CEP63: variants seen among roughly 807,000 people sequenced by gnomAD.
CEP63 encodes the protein centrosomal protein 63, also known as centrosomal protein of 63 kDa.
A neutral mutation model predicts 89.1 loss-of-function variants in CEP63; 84 were observed. The ratio of observed to expected loss-of-function variants is 0.94; its 90% CI spans 0.79 to 1.13. CEP63 has a LOEUF of 1.13. CEP63 is among the 50% of genes most tolerant of loss of function. The probability of loss-of-function intolerance (pLI) is 0.00; values close to 1 mark genes in which losing one functional copy is unlikely to be tolerated. For missense variants in CEP63, 838 were observed against 813.3 expected, an observed-to-expected ratio of 1.03 and a Z score of -0.37; for synonymous variants, 267 against 272.5, an observed-to-expected ratio of 0.98 and a Z score of 0.20.
chr3:134,492,070 C>CTTTTTTTTTTT (rs74269453), intron 1 of CEP63, among the ~76,000 whole-genome samples: 21 of 103,672 alleles, frequency 2.0e-4, no homozygotes, highest in Non-Finnish European at 2.2e-4. Context: ...TATTTGTATT[C>CTTTTTTTTTTT]TTTTTTTTTT....
intron 2 of CEP63, among the ~76,000 whole-genome samples, chr3:134,504,951 G>A (rs956659408): frequency 6.6e-6 from 1 of 152,014 alleles, no homozygotes; most frequent in Non-Finnish European, 1.5e-5. Flanking sequence ...TCAGTTTCAG[G>A]ATTTCTGTTT....
At chr3:134,779,197 A>G in the CEP63 span, among the ~76,000 whole-genome samples, 1 of 152,230 alleles carries the variant, frequency 6.6e-6, no homozygotes, top group Non-Finnish European at 1.5e-5. Context: ...GTGTACATAT[A>G]TATGAATACA....
intron 10 of CEP63, among the ~76,000 whole-genome samples, chr3:134,583,088 C>T (rs1958400170): frequency 6.6e-6 from 1 of 152,104 alleles, no homozygotes; most frequent in African/African-American, 2.4e-5. Flanking sequence ...AGCCCTTTGT[C>T]AGATGAGTAG....
downstream of CEP63, among the ~76,000 whole-genome samples, chr3:134,588,197 G>A (rs1476394770): frequency 6.6e-6 from 1 of 152,152 alleles, no homozygotes; most frequent in Non-Finnish European, 1.5e-5. Context: ...GGAGGCTGAG[G>A]CAGGAGAATC....
At chr3:134,773,566 A>T in the CEP63 span, among the ~76,000 whole-genome samples, 5 of 152,198 alleles carry the variant, frequency 3.3e-5, no homozygotes, top group Non-Finnish European at 7.3e-5. Flanking sequence ...CATGAACATC[A>T]TTCTTAAATC....
the CEP63 span, among the ~76,000 whole-genome samples, chr3:134,741,396 G>A: frequency 1.3e-5 from 2 of 152,186 alleles, no homozygotes; most frequent in African/African-American, 4.8e-5. Flanking sequence ...GTTAGGGGTA[G>A]AGAGTGAGGT....
the CEP63 span, among the ~76,000 whole-genome samples, chr3:134,687,393 G>C: frequency 6.6e-6 from 1 of 152,214 alleles, no homozygotes; most frequent in African/African-American, 2.4e-5. Flanking sequence ...AGAGCGGTGA[G>C]CTTCAGCCTG....
the CEP63 span, among the ~76,000 whole-genome samples, chr3:134,671,426 C>A: frequency 6.6e-6 from 1 of 152,146 alleles, no homozygotes; most frequent in Non-Finnish European, 1.5e-5. Context: ...GAAGTTCAAT[C>A]CCCACCAGTA....
chr3:134,601,630 G>A, the CEP63 span, among the ~76,000 whole-genome samples: 4 of 152,238 alleles, frequency 2.6e-5, no homozygotes, highest in Non-Finnish European at 5.9e-5. Flanking sequence ...TCAGGTGTGA[G>A]TGACACGAGG....
downstream of CEP63, among the ~76,000 whole-genome samples, chr3:134,575,448 A>C (rs1265018208): frequency 8.8e-6 from 1 of 113,200 alleles, no homozygotes; most frequent in Non-Finnish European, 1.8e-5. Context: ...CTTTGGAGAC[A>C]TGGGCTCACT....
intron 2 of CEP63, among the ~76,000 whole-genome samples, chr3:134,497,055 C>T (rs1027757955): frequency 1.3e-5 from 2 of 152,144 alleles, no homozygotes; most frequent in African/African-American, 4.8e-5. Flanking sequence ...CACCTTTTGG[C>T]CATTTGTATG....
At chr3:134,594,209 C>T in the CEP63 span, among the ~76,000 whole-genome samples, 2 of 152,278 alleles carry the variant, frequency 1.3e-5, no homozygotes, top group Admixed American at 1.3e-4. Context: ...ATCCTTTACC[C>T]AGATGGGAGC....
the CEP63 span, among the ~76,000 whole-genome samples, chr3:134,747,662 C>T: frequency 6.6e-6 from 1 of 152,178 alleles, no homozygotes; most frequent in South Asian, 2.1e-4. Flanking sequence ...TTCAGAAACC[C>T]ACACACCTGC....
chr3:134,519,145 A>G (rs1041973750), intron 3 of CEP63, among the ~76,000 whole-genome samples: 2 of 151,772 alleles, frequency 1.3e-5, no homozygotes, highest in African/African-American at 4.8e-5. Context: ...TTGTTTTGAG[A>G]TGGAGTCTCA....
chr3:134,651,023 G>T, the CEP63 span: 1 of 1,605,752 alleles, frequency 6.2e-7, no homozygotes, highest in South Asian at 1.1e-5. Context: ...CGCTGCAAAT[G>T]GCCCCGTGCG....
At chr3:134,687,516 C>G in the CEP63 span, among the ~76,000 whole-genome samples, 1,593 of 152,186 alleles carry the variant, frequency 0.01, 24 homozygotes, top group African/African-American at 0.036. Flanking sequence ...ATCCTCACCC[C>G]CAGGGTGCCT....
chr3:134,754,766 TC>T, the CEP63 span, among the ~76,000 whole-genome samples: 1 of 152,154 alleles, frequency 6.6e-6, no homozygotes, highest in Admixed American at 6.5e-5. Flanking sequence ...ACTTTTGTCT[TC>T]TTAAAAAGGG....
At chr3:134,722,634 T>C in the CEP63 span, among the ~76,000 whole-genome samples, 1 of 152,204 alleles carries the variant, frequency 6.6e-6, no homozygotes, top group South Asian at 2.1e-4. Context: ...GTCATTTTTA[T>C]GTAATCTGAG....
At chr3:134,727,273 A>G in the CEP63 span, among the ~76,000 whole-genome samples, 1 of 152,220 alleles carries the variant, frequency 6.6e-6, no homozygotes, top group Admixed American at 6.5e-5. Flanking sequence ...CTCAATGTGA[A>G]CTGTTATTTA....
Sources: allele counts gnomAD v4.1 joint callset (sites outside exome capture counted in the v4.1 genomes callset), GRCh38; gene constraint gnomAD v4.1.1; transcripts MANE v1.5; gene names NCBI Gene and HGNC (gene_info 2026-07-23, HGNC 2026-07-21).